The following DNHD1 variants were observed in gnomAD, a reference collection of about 807,000 sequenced individuals.
DNHD1 encodes dynein heavy chain domain 1, also known as dynein heavy chain domain-containing protein 1.
In DNHD1, 383 loss-of-function variants were observed where a neutral mutation model predicts 458.1. That is an observed-to-expected ratio of 0.84 (90% CI 0.77 to 0.91). The LOEUF (loss-of-function observed/expected upper bound fraction) is 0.91, where lower values mean the gene tolerates loss of function less well. Among genes scored for constraint, DNHD1 ranks in the 40% least tolerant of loss-of-function variants. The pLI is 0.00. For synonymous variants in DNHD1, 2,203 were observed against 2,376.9 expected (o/e 0.93, Z 2.13); for missense variants, 5,336 against 5,866.1 (o/e 0.91, Z 2.95).
In DNHD1 at chr11:6,509,934, A is replaced by G. The variant is rs553421396; in HGVS notation, c.1235+662A>G. On this transcript the variant is annotated intron_variant, in intron 6 of 42. Coordinates refer to ENST00000254579, the MANE Select transcript of DNHD1 (RefSeq NM_144666.3). ...ACTGCATCTAAAGAGGATAGTCACT[A>G]CTCAGTTCCAACTAATTACTAATTG... Among the ~76,000 whole-genome samples, 6 of 152,260 alleles carry G rather than the reference A, an allele frequency of 3.9e-5. No homozygotes were observed. In the East Asian group the frequency reaches 1.2e-3, roughly 29 times the overall value.
chr11:6,562,735 A>G lies in DNHD1; in HGVS notation c.9520-247A>G, dbSNP rs779398749. Reference sequence around the variant, plus strand: ...GTAGTGTAACATAACTGTTACACGCATAGTCTTCGGGTGAAGCGGCTGCAG... The same window carrying G: ...GTAGTGTAACATAACTGTTACACGCGTAGTCTTCGGGTGAAGCGGCTGCAG... On this transcript the variant is annotated intron_variant, in intron 28 of 42. Coordinates refer to ENST00000254579, the MANE Select transcript of DNHD1 (RefSeq NM_144666.3). 2.6e-5 allele frequency among the ~76,000 whole-genome samples: 4 copies of G among 152,176 alleles called. No individual in the cohort carries two copies. In the South Asian group the frequency reaches 8.3e-4, roughly 32 times the overall value.
At chr11:6,570,510 T>C (rs1226986330) in intron 41 of DNHD1, 108 bp from the exon 42 acceptor site, 65 of 1,480,008 alleles carry the variant, frequency 4.4e-5, no homozygotes, top group Non-Finnish European at 5.8e-5. Flanking sequence ...GTAATATTCA[T>C]ACTGTTATGG....
chr11:6,529,162 G>T (rs749432010), intron 12 of DNHD1, 41 bp downstream of exon 12: 3 of 1,546,088 alleles, frequency 1.9e-6, no homozygotes, highest in Non-Finnish European at 8.7e-7. Flanking sequence ...TCCCTTTTCT[G>T]TATGTCTATT....
intron 32 of DNHD1, 23 bp downstream of exon 32, chr11:6,564,827 A>AT (rs760597289): frequency 1.4e-6 from 2 of 1,471,344 alleles, no homozygotes; most frequent in Non-Finnish European, 1.8e-6. Context: ...AATAAATGCA[A>AT]TGCTTCCGGA....
At position 6,559,261 on chromosome 11, in the gene DNHD1, A is replaced by G; in HGVS notation, c.9497A>G (p.Gln3166Arg). Residue 3166 changes from glutamine (Q) to arginine (R), a missense_variant, in exon 28 of 43, where the codon CAG becomes CGG. Transcript: ENST00000254579. Reference protein sequence around the residue: ...THANLIFDLEQQLKDSGKSLS... With the variant: ...THANLIFDLERQLKDSGKSLS... ...GCCAATCTGATCTTTGACTTGGAAC[A>G]GCAGCTGAAAGACTCCGGCAAGGTA... 1 of 1,551,724 alleles carries G rather than the reference A, an allele frequency of 6.4e-7. No individual in the cohort carries two copies. The highest frequency in any genetic ancestry group is 8.7e-7 in the Non-Finnish European group (1 of 1,146,980).
chr11:6,546,623 C>G lies in DNHD1; in HGVS notation c.5684C>G (p.Pro1895Arg). Residue 1895 changes from proline to arginine, a missense_variant, in exon 21 of 43, where the codon CCG becomes CGG. By Grantham distance (103) the Pro-to-Arg change is moderately radical (BLOSUM62 -2). This residue lies in a region of DNHD1 where 3,932 missense variants were observed against 4,365.6 expected (regional missense o/e 0.90). Transcript: ENST00000254579. ...IRTLNVTKEE[P>R]KCQKPRSLAA... ...ACACTAAATGTGACCAAGGAGGAAC[C>G]GAAGTGCCAGAAGCCTCGCAGCCTA... is the stretch of plus-strand genomic sequence containing the variant. 6.4e-7 allele frequency: 1 copy of G among 1,551,432 alleles called. No homozygotes were observed. The highest frequency in any genetic ancestry group is 8.7e-7 in the Non-Finnish European group (1 of 1,146,790).
chr11:6,528,372 G>A, intron 10 of DNHD1, 150 bp from the exon 11 acceptor site: 1 of 929,896 alleles, frequency 1.1e-6, no homozygotes. Context: ...TGATATAGAT[G>A]TATGTGTTAA....
chr11:6,528,593 GT>G lies in DNHD1; in HGVS notation c.1910del (p.Val637GlyfsTer57). The G allele has an allele frequency of 1.9e-6, 3 of 1,551,750 alleles. No individual in the cohort carries two copies. The highest frequency in any genetic ancestry group is 2.6e-6 in the Non-Finnish European group (3 of 1,147,008). On this transcript the variant is annotated frameshift_variant, in exon 11 of 43. Transcript: ENST00000254579. LOFTEE classifies it high-confidence loss of function. ...PKFQGQPSDA[V>X]SIFCGPNVGL... The stretch of plus-strand genomic sequence containing the variant: ...GTTCCAGGGCCAGCCCAGCGATGCT[GT>G]GAGCATCTTCTGTGGCCCGAATGTG...
intron 3 of DNHD1, 76 bp downstream of exon 3, chr11:6,499,037 T>C: frequency 6.8e-7 from 1 of 1,475,526 alleles, no homozygotes; most frequent in Non-Finnish European, 9.0e-7. Flanking sequence ...TGGGGTCACT[T>C]GGAAGTTTAG....
chr11:6,530,199 G>A (rs1223614150), intron 12 of DNHD1, among the ~76,000 whole-genome samples: 1 of 152,210 alleles, frequency 6.6e-6, no homozygotes, highest in Admixed American at 6.5e-5. Context: ...TATGTGGAAA[G>A]TGGGGCTCAA....
intron 18 of DNHD1, among the ~76,000 whole-genome samples, chr11:6,542,924 C>A (rs1424664863): frequency 6.6e-6 from 1 of 152,198 alleles, no homozygotes; most frequent in African/African-American, 2.4e-5. Flanking sequence ...TCGTCATAAT[C>A]TTCCCCCAAT....
chr11:6,571,997 C>G lies in DNHD1; in HGVS notation c.*11C>G. Reference sequence around the variant, plus strand: ...CCACCCCTGTCTTGAGCCCGTCTACCAAAATAAAGTTGTAGTGATTCCATG... The same window carrying G: ...CCACCCCTGTCTTGAGCCCGTCTACGAAAATAAAGTTGTAGTGATTCCATG... On this transcript the variant is annotated 3_prime_UTR_variant, in exon 43 of 43. Transcript: ENST00000254579. This position sits in a 1 kb window ranked among gnomAD's most constrained non-coding sequence, Gnocchi z 5.0. 1 of 1,587,628 alleles carries G rather than the reference C, an allele frequency of 6.3e-7. No homozygotes were observed. Among genetic ancestry groups the G allele is most frequent in the Non-Finnish European group, 8.6e-7 (1 of 1,162,958 alleles).
rs2134444004 is a variant in DNHD1, at chr11:6,556,642, G to A, written c.7388-41G>A. On this transcript the variant is annotated intron_variant, in intron 24 of 42. Transcript: ENST00000254579. ...GGGAACAGGTTGATACTCTCATGTG[G>A]ACTTTTACATGTCCTCATTATTATT... 2.7e-6 allele frequency: 4 copies of A among 1,491,046 alleles called. No homozygotes were observed. The South Asian group carries it at 4.0e-5, about 15-fold the overall frequency. The allele number at this position is 1,491,046 out of a possible 1,614,324, so 92.4% of individuals were successfully genotyped here.
chr11:6,564,721 C>T lies in DNHD1; in HGVS notation c.10673C>T (p.Pro3558Leu). The T allele has an allele frequency of 2.6e-6, 4 of 1,550,190 alleles. No individual in the cohort carries two copies. The highest frequency in any genetic ancestry group is 2.4e-5 in the South Asian group (2 of 84,050). ...TGCCGTTGGCCTCTGCTGCTTGACCCCAGCAACGAGGCCCTCATCTGGTTG... is the reference window on the plus strand; with the variant it reads ...TGCCGTTGGCCTCTGCTGCTTGACCTCAGCAACGAGGCCCTCATCTGGTTG... ...SSCRWPLLLD[P>L]SNEALIWLDP... The change falls in exon 32 of 43, where the codon CCC becomes CTC. Residue 3558 changes from proline to leucine, a missense_variant. Pro to Leu is a moderately conservative substitution (Grantham distance 98). Coordinates refer to ENST00000254579, the MANE Select transcript of DNHD1 (RefSeq NM_144666.3).
rs1307211017 is a variant in DNHD1 at position 6,557,924 on chromosome 11, C to T, written c.8629C>T (p.Arg2877Trp). Reference protein sequence around the residue: ...SMAQHVARLVRVLARPRQHGL... With the variant: ...SMAQHVARLVWVLARPRQHGL... ...GGCCCAGCACGTGGCCCGCCTGGTC[C>T]GGGTGCTGGCCAGGCCCCGGCAGCA... Residue 2877 changes from arginine (R) to tryptophan (W), a missense_variant, in exon 25 of 43, where the codon CGG becomes TGG. Coordinates refer to ENST00000254579, the MANE Select transcript of DNHD1 (RefSeq NM_144666.3). 5 of 1,551,224 alleles carry T rather than the reference C, an allele frequency of 3.2e-6. No individual in the cohort carries two copies. Among genetic ancestry groups the T allele is most frequent in the Admixed American group, 3.9e-5 (2 of 50,968 alleles).
At chr11:6,512,399 T>C (rs1852360917) in intron 7 of DNHD1, among the ~76,000 whole-genome samples, 2 of 151,658 alleles carry the variant, frequency 1.3e-5, no homozygotes, top group Admixed American at 1.3e-4. Flanking sequence ...TTTTTTTGTA[T>C]TTTTAGTAGA....
chr11:6,519,498 TC>T lies in DNHD1; in HGVS notation c.1393-101del. The T allele has an allele frequency of 2.2e-6, 3 of 1,341,190 alleles. No homozygotes were observed. In the East Asian group the frequency reaches 6.9e-5, roughly 31 times the overall value. The allele number at this position is 1,341,190 out of a possible 1,614,324, so 83.1% of individuals were successfully genotyped here. A position where few individuals can be genotyped will look rare whatever the true frequency, so the allele number is the denominator to read the frequency against. On this transcript the variant is annotated intron_variant, in intron 7 of 42. Coordinates refer to ENST00000254579, the MANE Select transcript of DNHD1 (RefSeq NM_144666.3). ...GAGCCCTCCATATGTATATCTAGGT[TC>T]TAGGTCCCAGACTCCAAGACCTGAG...
intron 17 of DNHD1, 105 bp downstream of exon 17, chr11:6,539,418 G>A: frequency 1.1e-6 from 1 of 870,244 alleles, no homozygotes; most frequent in East Asian, 2.6e-5. Context: ...ATGTGGGGTT[G>A]AGCCTGCTAA....
Position 6,498,654 on chromosome 11 carries a change from G to A in DNHD1, c.439G>A (p.Ala147Thr). ...DSSLLDSASH[A>T]DCCPQKRRLH... ...CTCTTTGTTAGACAGTGCTTCCCATGCTGACTGCTGTCCCCAGAAGCGGAG... is the reference window on the plus strand; with the variant it reads ...CTCTTTGTTAGACAGTGCTTCCCATACTGACTGCTGTCCCCAGAAGCGGAG... Residue 147 changes from alanine (A) to threonine (T), a missense_variant, in exon 3 of 43, where the codon GCT (alanine) becomes ACT (threonine). Coordinates refer to ENST00000254579, the MANE Select transcript of DNHD1 (RefSeq NM_144666.3). 2 of 1,614,208 alleles carry A rather than the reference G, an allele frequency of 1.2e-6. No individual in the cohort carries two copies. Among genetic ancestry groups the A allele is most frequent in the Non-Finnish European group, 1.7e-6 (2 of 1,180,030 alleles).
Sources: allele counts gnomAD v4.1 joint callset (sites outside exome capture counted in the v4.1 genomes callset), GRCh38; gene constraint gnomAD v4.1.1; regional missense constraint gnomAD v4.1.1; non-coding constraint Gnocchi (gnomAD v3.1); transcripts MANE v1.5; gene names NCBI Gene and HGNC (gene_info 2026-07-23, HGNC 2026-07-21).